Variants in TMEFF2 observed in about 807,000 individuals in gnomAD.
TMEFF2 encodes the protein tomoregulin-2.
A neutral mutation model predicts 53.8 loss-of-function variants in TMEFF2; 28 were observed. That is an observed-to-expected ratio of 0.52 (90% CI 0.39 to 0.71). The LOEUF (loss-of-function observed/expected upper bound fraction) is 0.71. Ranked by LOEUF, TMEFF2 falls within the 30% of genes least tolerant of loss-of-function variation. TMEFF2 has a pLI of 0.00. For synonymous variants in TMEFF2, 162 were observed against 166.3 expected (o/e 0.97, Z 0.20); for missense variants, 353 against 455.2 (o/e 0.78, Z 2.04).
chr2:192,029,772 A>G (rs1329954851), intron 5 of TMEFF2, among the ~76,000 whole-genome samples: 1 of 152,270 alleles, frequency 6.6e-6, no homozygotes, highest in Non-Finnish European at 1.5e-5. Context: ...TTTAGAAACA[A>G]TAACATACCC....
At chr2:192,045,136 C>T (rs1366674478) in intron 5 of TMEFF2, among the ~76,000 whole-genome samples, 1 of 152,216 alleles carries the variant, frequency 6.6e-6, no homozygotes, top group East Asian at 1.9e-4. Context: ...GCCTGATTTA[C>T]AGAAGATTCT....
At chr2:192,028,908 C>T (rs1450988565) in intron 5 of TMEFF2, 1 of 151,980 alleles carries the variant, frequency 6.6e-6, no homozygotes, top group Non-Finnish European at 1.5e-5. Context: ...CTCAGAATGA[C>T]AAAGCAAGTA....
At chr2:192,113,456 T>C (rs530669085) in intron 4 of TMEFF2, among the ~76,000 whole-genome samples, 69 of 152,180 alleles carry the variant, frequency 4.5e-4, no homozygotes, top group Admixed American at 9.2e-4. Flanking sequence ...GGTCTTATGG[T>C]TACGCAAAGT....
chr2:191,949,305 T>G lies in TMEFF2; in HGVS notation c.*1006A>C, dbSNP rs1228675960. On this transcript the variant is annotated 3_prime_UTR_variant, in exon 10 of 10. Coordinates refer to ENST00000272771, the MANE Select transcript of TMEFF2 (RefSeq NM_016192.4). ...TCACCACATAAATATGCTCAAAACA[T>G]CTCTCTGTTTTCATGAAATATCGTC... 1.0e-5 allele frequency: 10 copies of G among 985,304 alleles called. No homozygotes were observed. The highest frequency in any genetic ancestry group is 1.1e-5 in the Non-Finnish European group (9 of 829,872). 61.0% of individuals were successfully genotyped at this position (985,304 alleles called of 1,614,324 possible). A position where few individuals can be genotyped will look rare whatever the true frequency, so the allele number is the denominator to read the frequency against.
chr2:191,992,269 G>A (rs988308283), intron 7 of TMEFF2, among the ~76,000 whole-genome samples: 3 of 152,060 alleles, frequency 2.0e-5, no homozygotes, highest in African/African-American at 4.8e-5. Flanking sequence ...CAGACAAAAC[G>A]TGGTTTCTGG....
chr2:192,167,616 C>T (rs925053428), intron 4 of TMEFF2, among the ~76,000 whole-genome samples: 3 of 152,014 alleles, frequency 2.0e-5, no homozygotes, highest in African/African-American at 7.2e-5. Flanking sequence ...TTTCCAAGTT[C>T]TCCTTTTTAT....
intron 9 of TMEFF2, among the ~76,000 whole-genome samples, chr2:191,952,209 C>T (rs779810186): frequency 6.6e-6 from 1 of 152,178 alleles, no homozygotes; most frequent in Non-Finnish European, 1.5e-5. Context: ...GATACACACA[C>T]ATAATATGTG....
At chr2:192,084,566 A>G (rs531039026) in intron 4 of TMEFF2, among the ~76,000 whole-genome samples, 2 of 152,296 alleles carry the variant, frequency 1.3e-5, no homozygotes, top group South Asian at 4.1e-4. Context: ...ACATTTCTCC[A>G]CTTTTTATTT....
At chr2:191,964,724 G>T (rs1692421421) in intron 7 of TMEFF2, among the ~76,000 whole-genome samples, 1 of 151,812 alleles carries the variant, frequency 6.6e-6, no homozygotes, top group East Asian at 1.9e-4. Context: ...CTTCACTTCT[G>T]CACTCACCTC....
At chr2:192,054,420 T>C (rs1574330928) in intron 5 of TMEFF2, among the ~76,000 whole-genome samples, 1 of 152,288 alleles carries the variant, frequency 6.6e-6, no homozygotes, top group East Asian at 1.9e-4. Flanking sequence ...CTTCTCCTTG[T>C]CTCATTTGTA....
intron 9 of TMEFF2, 82 bp from the exon 10 acceptor site, chr2:191,950,489 G>T: frequency 1.3e-6 from 2 of 1,542,080 alleles, no homozygotes; most frequent in East Asian, 2.2e-5. Flanking sequence ...TAAAGATGTG[G>T]ATTAAGCAAA....
chr2:192,076,613 C>T (rs1005804171), intron 4 of TMEFF2, among the ~76,000 whole-genome samples: 2 of 152,162 alleles, frequency 1.3e-5, no homozygotes, highest in Admixed American at 1.3e-4. Context: ...GCACTGCACT[C>T]TTCCTTTTAA....
At position 192,064,334 on chromosome 2, in the gene TMEFF2, G is replaced by A. The variant is rs1259879984; in HGVS notation, c.440-6559C>T. Among the ~76,000 whole-genome samples the A allele has an allele frequency of 4.6e-5, 7 of 151,684 alleles. No homozygotes were observed. In the East Asian group the frequency reaches 9.7e-4, roughly 21 times the overall value. On this transcript the variant is annotated intron_variant, in intron 4 of 9. Transcript: ENST00000272771. ...CCAGTCTTTGCATTCTTATTGTCAT[G>A]TATTTTATTTCTACCTATGTGATAA... is the stretch of plus-strand genomic sequence containing the variant.
Position 191,988,411 on chromosome 2 carries a change from C to T in TMEFF2, c.745+9851G>A, listed in dbSNP as rs559527291. ...GGAAACCTTCAACTTCCCTGGTGCT[C>T]TTTAAATAATAGAAAAGTAAATAGG... On this transcript the variant is annotated intron_variant, in intron 7 of 9. Transcript: ENST00000272771. 2.6e-5 allele frequency among the ~76,000 whole-genome samples: 4 copies of T among 152,224 alleles called. No individual in the cohort carries two copies. In the South Asian group the frequency reaches 6.2e-4, roughly 24 times the overall value.
chr2:191,975,509 T>C (rs1685696205), intron 7 of TMEFF2, among the ~76,000 whole-genome samples: 1 of 151,770 alleles, frequency 6.6e-6, no homozygotes, highest in Non-Finnish European at 1.5e-5. Flanking sequence ...TTACTGAGTG[T>C]ATTTCCATGT....
chr2:192,026,440 G>A (rs1686973000), intron 5 of TMEFF2, among the ~76,000 whole-genome samples: 1 of 152,128 alleles, frequency 6.6e-6, no homozygotes. Context: ...CATCCTTTAT[G>A]TGCCCTTTCA....
intron 9 of TMEFF2, 67 bp downstream of exon 9, chr2:191,953,611 GA>G: frequency 6.4e-7 from 1 of 1,558,580 alleles, no homozygotes; most frequent in Non-Finnish European, 8.7e-7. Context: ...ACCTCGGAGG[GA>G]TCTGATTAAA....
intron 4 of TMEFF2, among the ~76,000 whole-genome samples, chr2:192,106,761 AATAAAGCAC>A (rs1689159045): frequency 6.6e-6 from 1 of 151,890 alleles, no homozygotes; most frequent in South Asian, 2.1e-4. Context: ...AAATAGAAAA[AATAAAGCAC>A]ATAAAGCCTA....
chr2:192,091,980 A>ACAT (rs1452964122), intron 4 of TMEFF2, among the ~76,000 whole-genome samples: 2 of 152,128 alleles, frequency 1.3e-5, no homozygotes, highest in African/African-American at 4.8e-5. Flanking sequence ...AGTTTTAAAA[A>ACAT]CATACAGCGG....
Sources: gnomAD v4.1 joint callset for allele counts (sites outside exome capture counted in the v4.1 genomes callset) on GRCh38, gnomAD v4.1.1 for gene constraint, MANE v1.5 for transcripts, NCBI Gene and HGNC (gene_info 2026-07-23, HGNC 2026-07-21) for gene names.